Variants in SAMD12 observed in about 807,000 individuals in gnomAD.
SAMD12 encodes the protein sterile alpha motif domain-containing protein 12.
SAMD12 carries 9 observed loss-of-function variants against 15.0 expected under a neutral mutation model. That is an observed-to-expected ratio of 0.60 (90% confidence interval 0.36 to 1.05). The LOEUF (loss-of-function observed/expected upper bound fraction) is 1.05, where lower values mean the gene tolerates loss of function less well. Ranked by LOEUF, SAMD12 falls within the 50% of genes least tolerant of loss-of-function variation. SAMD12 has a pLI of 0.01. For missense variants in SAMD12, 230 were observed against 234.2 expected, an observed-to-expected ratio of 0.98 and a Z score of 0.12; for synonymous variants, 86 against 90.1, an observed-to-expected ratio of 0.96 and a Z score of 0.25.
In SAMD12 at chr8:118,304,652, C is replaced by T. The variant is rs528612878; in HGVS notation, c.433+74908G>A. 7.9e-5 allele frequency among the ~76,000 whole-genome samples: 12 copies of T among 151,790 alleles called. No homozygotes were observed. In the South Asian group the frequency reaches 2.3e-3, roughly 29 times the overall value. On this transcript the variant is annotated intron_variant, in intron 4 of 4. Transcript: ENST00000409003. ...GTGTGCGCCTGTAGTCCCAGATACT[C>T]GGGAGGCTGAGGCAGGGGAATGGCG...
the SAMD12 span, among the ~76,000 whole-genome samples, chr8:118,150,002 A>AT: frequency 6.6e-6 from 1 of 152,158 alleles, no homozygotes; most frequent in Non-Finnish European, 1.5e-5. Flanking sequence ...ACTGAAAGTG[A>AT]TTTTGCCCCC....
intron 4 of SAMD12, among the ~76,000 whole-genome samples, chr8:118,323,644 C>G (rs1816416551): frequency 6.6e-6 from 1 of 151,966 alleles, no homozygotes; most frequent in Non-Finnish European, 1.5e-5. Flanking sequence ...TGACACACAC[C>G]TGTAGTCCCA....
chr8:118,438,329 A>G lies in SAMD12; in HGVS notation c.322+1503T>C, dbSNP rs139642841. 5.1e-3 allele frequency among the ~76,000 whole-genome samples: 781 copies of G among 152,264 alleles called. 4 individuals are homozygous for G. Among genetic ancestry groups the G allele is most frequent in the African/African-American group, 0.018 (737 of 41,550 alleles). ...CTACAATTGGGTGTTTTCCCTATAT[A>G]TTTAGACATATCAATGTGGTCAGCA... On this transcript the variant is annotated intron_variant, in intron 3 of 3. Coordinates refer to ENST00000314727, the MANE Select transcript of SAMD12 (RefSeq NM_207506.3).
At chr8:118,455,780 A>T (rs992553675) in intron 2 of SAMD12, among the ~76,000 whole-genome samples, 1 of 152,190 alleles carries the variant, frequency 6.6e-6, no homozygotes, top group East Asian at 1.9e-4. Flanking sequence ...TCCTGACGAA[A>T]ATCCCAGTAA....
intron 4 of SAMD12, among the ~76,000 whole-genome samples, chr8:118,320,669 G>GGGA (rs1816189767): frequency 7.3e-6 from 1 of 137,226 alleles, no homozygotes; most frequent in African/African-American, 3.0e-5. Context: ...GCCTGTCGTG[G>GGGA]GGTGGGGGGG....
rs73318007 is a variant in SAMD12 at position 118,210,862 on chromosome 8, C to G, written c.434-13130G>C. Among the ~76,000 whole-genome samples the G allele has an allele frequency of 8.5e-3, 1,300 of 152,316 alleles. 19 individuals carry two copies. The highest frequency in any genetic ancestry group is 0.03 in the African/African-American group (1,228 of 41,580). ...CTCTCAAAGCCTATCTCTCCCTGCT[C>G]TGAACCTCCACATGATTTTGTTGAA... On this transcript the variant is annotated intron_variant, in intron 4 of 4. Coordinates refer to the SAMD12 transcript ENST00000409003.
intron 2 of SAMD12, among the ~76,000 whole-genome samples, chr8:118,519,363 T>C (rs1014727231): frequency 2.0e-5 from 3 of 152,204 alleles, no homozygotes; most frequent in Non-Finnish European, 4.4e-5. Flanking sequence ...ATTATATTGA[T>C]TGTTAACAAG....
intron 4 of SAMD12, among the ~76,000 whole-genome samples, chr8:118,273,996 T>TA (rs1813422217): frequency 1.3e-5 from 2 of 152,238 alleles, no homozygotes; most frequent in Admixed American, 1.3e-4. Context: ...TTGCATTTCT[T>TA]AATCAATATT....
intron 3 of SAMD12, among the ~76,000 whole-genome samples, chr8:118,391,940 T>TAA (rs869057300): frequency 0.017 from 2,337 of 141,226 alleles, 54 homozygotes; most frequent in African/African-American, 0.055. Context: ...AAGTTCTGGT[T>TAA]AAAAAAAAAA....
chr8:118,429,772 T>C (rs1822341340), intron 3 of SAMD12, among the ~76,000 whole-genome samples: 1 of 152,274 alleles, frequency 6.6e-6, no homozygotes, highest in African/African-American at 2.4e-5. Context: ...CAGATGCCTA[T>C]AATCCCAGCT....
At position 118,371,800 on chromosome 8, in the gene SAMD12, T is replaced by C. The variant is rs78775922; in HGVS notation, c.433+7760A>G. On this transcript the variant is annotated intron_variant, in intron 4 of 4. Coordinates refer to the SAMD12 transcript ENST00000409003. ...GATGCTTAAGCGGTAGAGGGTGAGA[T>C]TGTCCAGGCAGCATGCAAAATGCCA... Among the ~76,000 whole-genome samples, 1,234 of 151,970 alleles carry C rather than the reference T, an allele frequency of 8.1e-3. 15 individuals are homozygous for C. Among genetic ancestry groups the C allele is most frequent in the African/African-American group, 0.028 (1,160 of 41,468 alleles).
At chr8:118,396,060 A>G (rs1364157367) in intron 3 of SAMD12, among the ~76,000 whole-genome samples, 1 of 152,168 alleles carries the variant, frequency 6.6e-6, no homozygotes, top group Non-Finnish European at 1.5e-5. Context: ...TTCAGTGTCC[A>G]TTCATTCTTC....
intron 2 of SAMD12, among the ~76,000 whole-genome samples, chr8:118,477,309 G>A (rs188617287): frequency 4.0e-5 from 6 of 151,856 alleles, no homozygotes; most frequent in East Asian, 1.9e-4. Context: ...CAAGTGATCC[G>A]CCCACTTCAC....
the SAMD12 span, among the ~76,000 whole-genome samples, chr8:118,161,555 A>T: frequency 9.5e-6 from 1 of 105,262 alleles, no homozygotes; most frequent in East Asian, 2.7e-4. Context: ...AAAGAGTAAG[A>T]CTGTCTAAAA....
Position 118,536,443 on chromosome 8 carries a change from AACAC to A in SAMD12, c.192+44268_192+44271del, listed in dbSNP as rs1165508519. Among the ~76,000 whole-genome samples the A allele has an allele frequency of 5.5e-3, 770 of 140,832 alleles. 12 individuals are homozygous for A. Among genetic ancestry groups the A allele is most frequent in the South Asian group, 0.021 (93 of 4,368 alleles). The allele number at this position is 140,832 out of a possible 152,430, so 92.4% of individuals were successfully genotyped here. On this transcript the variant is annotated intron_variant, in intron 2 of 3. Transcript: ENST00000314727. ...ATTGAGCTATGTAGACTGATACACA[AACAC>A]ACACACACACACACACACACACACA... is the stretch of plus-strand genomic sequence containing the variant.
intron 3 of SAMD12, among the ~76,000 whole-genome samples, chr8:118,383,076 T>C (rs1819757803): frequency 1.3e-5 from 2 of 152,226 alleles, no homozygotes; most frequent in Non-Finnish European, 2.9e-5. Flanking sequence ...ACTGTTTTGA[T>C]GAGGTATCAA....
chr8:118,544,437 C>G (rs1586803942), intron 2 of SAMD12, among the ~76,000 whole-genome samples: 1 of 152,050 alleles, frequency 6.6e-6, no homozygotes. Flanking sequence ...AAGAGTCACA[C>G]TTACCTATAA....
At chr8:118,243,256 A>G (rs1812613306) in intron 4 of SAMD12, among the ~76,000 whole-genome samples, 2 of 152,182 alleles carry the variant, frequency 1.3e-5, no homozygotes, top group Non-Finnish European at 2.9e-5. Context: ...TCAATAGTAT[A>G]TATTAAAAAT....
the SAMD12 span, among the ~76,000 whole-genome samples, chr8:118,142,118 A>G: frequency 6.6e-6 from 1 of 152,194 alleles, no homozygotes; most frequent in Non-Finnish European, 1.5e-5. Flanking sequence ...GCACCTGATT[A>G]GAAAAGTTGT....
Sources: gnomAD v4.1 joint callset for allele counts (sites outside exome capture counted in the v4.1 genomes callset) on GRCh38, gnomAD v4.1.1 for gene constraint, MANE v1.5 for transcripts, NCBI Gene and HGNC (gene_info 2026-07-23, HGNC 2026-07-21) for gene names.